Variants in GBA2 observed in about 807,000 individuals in gnomAD.
GBA2 encodes non-lysosomal glucosylceramidase.
Under a neutral mutation model 112.9 loss-of-function variants are expected in GBA2, and 79 were observed. The observed-to-expected ratio is 0.70, with a 90% CI of 0.58 to 0.84. The LOEUF (loss-of-function observed/expected upper bound fraction) is 0.84. Ranked by LOEUF, GBA2 falls within the 40% of genes least tolerant of loss-of-function variation. GBA2 has a pLI of 0.00. For missense variants in GBA2, 1,043 were observed against 1,190.0 expected (o/e 0.88, Z 1.82); for synonymous variants, 403 against 434.3 (o/e 0.93, Z 0.90).
chr9:35,740,484 C>T lies in GBA2; in HGVS notation c.1129+42G>A, dbSNP rs898587804. 17 of 1,566,260 alleles carry T rather than the reference C, an allele frequency of 1.1e-5. No homozygotes were observed. The highest frequency in any genetic ancestry group is 1.7e-5 in the Admixed American group (1 of 59,662). On this transcript the variant is annotated intron_variant, in intron 6 of 16. Coordinates refer to ENST00000378103, the MANE Select transcript of GBA2 (RefSeq NM_020944.3). The surrounding 1 kb of genome is among the most constrained non-coding windows in gnomAD (Gnocchi z 4.7). ...CCCACCCCTGGTCCCAAGACAGGGA[C>T]AACCTCTCTTCCCACCATCTCCCAG...
At position 35,737,217 on chromosome 9, in the gene GBA2, C is replaced by T; in HGVS notation, c.2736G>A (p.Gly912=). ...KVKQGTGLRT[G]PMFGPKEAMA... ...TGGCTTCCTTTGGTCCAAACATAGG[C>T]CCTGTCCTTAGTCCTGTGCCCTGTT... is the stretch of plus-strand genomic sequence containing the variant. Residue 912 remains glycine (G), a synonymous_variant, in exon 17 of 17, where the codon GGG becomes GGA. Transcript: ENST00000378103. This position sits in a 1 kb window ranked among gnomAD's most constrained non-coding sequence, Gnocchi z 4.1. 1 of 1,612,476 alleles carries T rather than the reference C, an allele frequency of 6.2e-7. No individual in the cohort carries two copies. Among genetic ancestry groups the T allele is most frequent in the Non-Finnish European group, 8.5e-7 (1 of 1,180,002 alleles).
In GBA2 at chr9:35,741,784, A is replaced by C. The variant is rs761949175; in HGVS notation, c.674T>G (p.Phe225Cys). ...GGGATAGAGGGCATGGTAGAAAGCAAAGTACCCACACAGGCCCCAGTTCCA... is the reference window on the plus strand; with the variant it reads ...GGGATAGAGGGCATGGTAGAAAGCACAGTACCCACACAGGCCCCAGTTCCA... ...RSWNWGLCGY[F>C]AFYHALYPRA... Residue 225 changes from phenylalanine to cysteine, a missense_variant, in exon 4 of 17, where the codon TTT becomes TGT. By Grantham distance (205) the Phe-to-Cys change is radical (BLOSUM62 -2). Transcript: ENST00000378103. The surrounding 1 kb of genome is among the most constrained non-coding windows in gnomAD (Gnocchi z 4.6). 1 of 1,613,860 alleles carries C rather than the reference A, an allele frequency of 6.2e-7. No homozygotes were observed. The highest frequency in any genetic ancestry group is 1.1e-5 in the South Asian group (1 of 91,072).
Position 35,738,818 on chromosome 9 carries a change from C to G in GBA2, c.1881G>C (p.Gln627His). The G allele has an allele frequency of 1.9e-6, 3 of 1,614,096 alleles. No homozygotes were observed. The highest frequency in any genetic ancestry group is 2.5e-6 in the Non-Finnish European group (3 of 1,179,954). Residue 627 changes from glutamine to histidine, a missense_variant, in exon 12 of 17, where the codon CAG becomes CAC. Transcript: ENST00000378103. ...WKDLNLKFVL[Q>H]VYRDYYLTGD... ...CCGTGAGGTAATAGTCCCGATAAAC[C>G]TGCAGCACAAACTTCAGGTTCAGGT...
Position 35,739,404 on chromosome 9 carries a change from A to G in GBA2, c.1598T>C (p.Met533Thr), listed in dbSNP as rs1317730630. 4 of 1,611,368 alleles carry G rather than the reference A, an allele frequency of 2.5e-6. No individual in the cohort carries two copies. The highest frequency in any genetic ancestry group is 2.5e-6 in the Non-Finnish European group (3 of 1,177,598). The change falls in exon 10 of 17, where the codon ATG becomes ACG. Residue 533 changes from methionine to threonine, a missense_variant. Met to Thr is a moderately conservative substitution (Grantham distance 81, BLOSUM62 -1). Coordinates refer to ENST00000378103, the MANE Select transcript of GBA2 (RefSeq NM_020944.3). ...AAAGTGGACATCATATGTGTTGTACATGCGGTACTCCTGGCCTGGAGGAAT... is the reference window on the plus strand; with the variant it reads ...AAAGTGGACATCATATGTGTTGTACGTGCGGTACTCCTGGCCTGGAGGAAT... ...FGYLEGQEYRMYNTYDVHFYA... is the reference protein window; with the variant it reads ...FGYLEGQEYRTYNTYDVHFYA...
In GBA2 at chr9:35,738,356, C is replaced by T; in HGVS notation, c.2073G>A (p.Leu691=). ...TTGPSAYCGG[L]WLAAVAVMVQ... is the part of the protein sequence containing the mutation. Reference sequence around the variant, plus strand: ...CCATCACAGCCACAGCTGCCAGCCACAGCCCTCCACAGTAAGCACTGATCA... The same window carrying T: ...CCATCACAGCCACAGCTGCCAGCCATAGCCCTCCACAGTAAGCACTGATCA... The change falls in exon 14 of 17, where the codon CTG becomes CTA. Residue 691 remains leucine, a synonymous_variant. Coordinates refer to ENST00000378103, the MANE Select transcript of GBA2 (RefSeq NM_020944.3). The T allele has an allele frequency of 6.2e-7, 1 of 1,614,184 alleles. No individual in the cohort carries two copies. Among genetic ancestry groups the T allele is most frequent in the Non-Finnish European group, 8.5e-7 (1 of 1,179,996 alleles).
chr9:35,740,510 T>C lies in GBA2; in HGVS notation c.1129+16A>G. On this transcript the variant is annotated intron_variant, in intron 6 of 16. Coordinates refer to ENST00000378103, the MANE Select transcript of GBA2 (RefSeq NM_020944.3). The surrounding 1 kb of genome is among the most constrained non-coding windows in gnomAD (Gnocchi z 4.7). The stretch of plus-strand genomic sequence containing the variant: ...AACCTCTCTTCCCACCATCTCCCAG[T>C]CAGACCCCCCATCACCAGTGGGAGA... The C allele has an allele frequency of 6.3e-7, 1 of 1,596,596 alleles. No individual in the cohort carries two copies. Among genetic ancestry groups the C allele is most frequent in the Non-Finnish European group, 8.6e-7 (1 of 1,164,330 alleles).
rs992025713 is a variant in GBA2, at chr9:35,746,570, GAC to G, written c.359+1774_359+1775del. ...TGCACCATTGTACTCCAGCCTGGGTGACAAGAGCAAGACTGTCTCAAAAAAAA... is the reference window on the plus strand; with the variant it reads ...TGCACCATTGTACTCCAGCCTGGGTGAAGAGCAAGACTGTCTCAAAAAAAA... On this transcript the variant is annotated intron_variant, in intron 1 of 16. Coordinates refer to ENST00000378103, the MANE Select transcript of GBA2 (RefSeq NM_020944.3). The surrounding 1 kb of genome is among the most constrained non-coding windows in gnomAD (Gnocchi z 5.2). 3.9e-5 allele frequency among the ~76,000 whole-genome samples: 6 copies of G among 152,050 alleles called. No individual in the cohort carries two copies. The highest frequency in any genetic ancestry group is 3.9e-4 in the Admixed American group (6 of 15,256).
chr9:35,738,394 T>C lies in GBA2; in HGVS notation c.2055-20A>G, dbSNP rs1826385148. 2 of 1,611,700 alleles carry C rather than the reference T, an allele frequency of 1.2e-6. No individual in the cohort carries two copies. Among genetic ancestry groups the C allele is most frequent in the East Asian group, 2.2e-5 (1 of 44,862 alleles). The stretch of plus-strand genomic sequence containing the variant: ...TAAGCACTGATCAGGGACATGGGTT[T>C]GGGGGTCAGACTGGCAGCTCCAGCT... On this transcript the variant is annotated intron_variant, in intron 13 of 16. Transcript: ENST00000378103.
chr9:35,749,212 C>T lies in GBA2; in HGVS notation c.-508G>A. 1 of 441,130 alleles carries T rather than the reference C, an allele frequency of 2.3e-6. No homozygotes were observed. Among genetic ancestry groups the T allele is most frequent in the Non-Finnish European group, 4.6e-6 (1 of 219,586 alleles). 27.3% of individuals were successfully genotyped at this position (441,130 alleles called of 1,614,324 possible). ...GGTGACCCTGGGCGCCGGGATGACC[C>T]GAGCCCTTTCCGGTCTGGCCTGCCG... On this transcript the variant is annotated 5_prime_UTR_variant, in exon 1 of 17. Transcript: ENST00000378103. The surrounding 1 kb of genome is among the most constrained non-coding windows in gnomAD (Gnocchi z 4.4).
intron 1 of GBA2, among the ~76,000 whole-genome samples, chr9:35,745,951 A>T (rs920094629): frequency 6.6e-6 from 1 of 152,274 alleles, no homozygotes; most frequent in African/African-American, 2.4e-5. Flanking sequence ...TGCTCTAGCT[A>T]TCTAATGAAA....
intron 1 of GBA2, among the ~76,000 whole-genome samples, chr9:35,745,423 CCTTT>C (rs1329025613): frequency 2.0e-4 from 30 of 152,004 alleles, no homozygotes; most frequent in Admixed American, 2.0e-3. Context: ...CCGCTTCTGG[CCTTT>C]CTTCTTTTTA....
chr9:35,737,082 C>T lies in GBA2; in HGVS notation c.*87G>A. ...AAGGGGTATGATTGTCCTGATGGCTCAGGGTTGCAGGAGGTTCAGAGGGGA... is the reference window on the plus strand; with the variant it reads ...AAGGGGTATGATTGTCCTGATGGCTTAGGGTTGCAGGAGGTTCAGAGGGGA... On this transcript the variant is annotated 3_prime_UTR_variant, in exon 17 of 17. Coordinates refer to ENST00000378103, the MANE Select transcript of GBA2 (RefSeq NM_020944.3). This position sits in a 1 kb window ranked among gnomAD's most constrained non-coding sequence, Gnocchi z 4.1. The T allele has an allele frequency of 1.3e-6, 2 of 1,531,372 alleles. No homozygotes were observed. The highest frequency in any genetic ancestry group is 1.7e-6 in the Non-Finnish European group (2 of 1,145,964). 94.9% of individuals were successfully genotyped at this position (1,531,372 alleles called of 1,614,324 possible).
chr9:35,744,464 T>C lies in GBA2; in HGVS notation c.452-52A>G, dbSNP rs1260381357. 2.6e-6 allele frequency: 3 copies of C among 1,151,674 alleles called. No homozygotes were observed. The East Asian group carries it at 7.1e-5, about 27-fold the overall frequency. The allele number at this position is 1,151,674 out of a possible 1,614,324, so 71.3% of individuals were successfully genotyped here. ...GTATTGGGAGAGGAAAATAAGCCCA[T>C]TTCTAACTTTCTAGACTATAAAGCC... On this transcript the variant is annotated intron_variant, in intron 2 of 16. Coordinates refer to ENST00000378103, the MANE Select transcript of GBA2 (RefSeq NM_020944.3).
chr9:35,739,342 G>A lies in GBA2; in HGVS notation c.1660C>T (p.Leu554Phe). The A allele has an allele frequency of 6.2e-7, 1 of 1,612,968 alleles. No homozygotes were observed. The highest frequency in any genetic ancestry group is 8.5e-7 in the Non-Finnish European group (1 of 1,178,952). Reference protein sequence around the residue: ...SFALIMLWPKLELSLQYDMAL... With the variant: ...SFALIMLWPKFELSLQYDMAL... ...ATGTCATACTGTAGGCTGAGCTCAA[G>A]TTTGGGCCAGAGCATGATGAGGGCA... is the stretch of plus-strand genomic sequence containing the variant. The change falls in exon 10 of 17, where the codon CTT becomes TTT. Residue 554 changes from leucine (L) to phenylalanine (F), a missense_variant. By Grantham distance (22) the Leu-to-Phe change is conservative. Transcript: ENST00000378103.
chr9:35,741,609 T>C lies in GBA2; in HGVS notation c.786+63A>G, dbSNP rs2131983210. The C allele has an allele frequency of 8.8e-7, 1 of 1,141,872 alleles. No individual in the cohort carries two copies. Among genetic ancestry groups the C allele is most frequent in the South Asian group, 1.2e-5 (1 of 81,426 alleles). 70.7% of individuals were successfully genotyped at this position (1,141,872 alleles called of 1,614,324 possible). Reference sequence around the variant, plus strand: ...TACCGCGCCTCGCAGGCCATGCAGTTTCTAGCAGAGGCAGGTCCTGGGGAA... The same window carrying C: ...TACCGCGCCTCGCAGGCCATGCAGTCTCTAGCAGAGGCAGGTCCTGGGGAA... On this transcript the variant is annotated intron_variant, in intron 4 of 16. Transcript: ENST00000378103. The surrounding 1 kb of genome is among the most constrained non-coding windows in gnomAD (Gnocchi z 4.6).
chr9:35,740,994 G>A lies in GBA2; in HGVS notation c.857C>T (p.Ser286Phe), dbSNP rs954541417. The A allele has an allele frequency of 1.2e-6, 2 of 1,613,924 alleles. No homozygotes were observed. The highest frequency in any genetic ancestry group is 2.7e-5 in the African/African-American group (2 of 74,910). Residue 286 changes from serine to phenylalanine, a missense_variant, in exon 5 of 17, where the codon TCC becomes TTC. By Grantham distance (155) the Ser-to-Phe change is radical. Transcript: ENST00000378103. This position sits in a 1 kb window ranked among gnomAD's most constrained non-coding sequence, Gnocchi z 4.7. ...ENEGDEALDV[S>F]IMFSMRNGLG... ...TCCATTCCGCATGGAGAACATGATG[G>A]ACACATCTAGAGCTTCGTCCCCTTC...
In GBA2 at chr9:35,743,029, A is replaced by C. The variant is rs561062267; in HGVS notation, c.568-1139T>G. ...AACAATGTATGAGGTATTATAAGTA[A>C]TCTACAGATGATTTAAAGTATATAG... is the stretch of plus-strand genomic sequence containing the variant. On this transcript the variant is annotated intron_variant, in intron 3 of 16. Coordinates refer to ENST00000378103, the MANE Select transcript of GBA2 (RefSeq NM_020944.3). Among the ~76,000 whole-genome samples the C allele has an allele frequency of 3.9e-5, 6 of 152,364 alleles. No individual in the cohort carries two copies. In the South Asian group the frequency reaches 1.2e-3, roughly 32 times the overall value.
At chr9:35,743,494 G>A (rs1196633127) in intron 3 of GBA2, among the ~76,000 whole-genome samples, 1 of 152,226 alleles carries the variant, frequency 6.6e-6, no homozygotes, top group African/African-American at 2.4e-5. Flanking sequence ...CCTAAGGGAT[G>A]AGGCAGAGAG....
Position 35,740,321 on chromosome 9 carries a change from C to T in GBA2, c.1171G>A (p.Ala391Thr). 1.9e-6 allele frequency: 3 copies of T among 1,613,872 alleles called. No homozygotes were observed. Among genetic ancestry groups the T allele is most frequent in the Non-Finnish European group, 2.5e-6 (3 of 1,179,924 alleles). Residue 391 changes from alanine to threonine, a missense_variant, in exon 7 of 17, where the codon GCT (alanine) becomes ACT (threonine). By Grantham distance (58) the Ala-to-Thr change is moderately conservative. Coordinates refer to ENST00000378103, the MANE Select transcript of GBA2 (RefSeq NM_020944.3). The surrounding 1 kb of genome is among the most constrained non-coding windows in gnomAD (Gnocchi z 4.7). ...PTQKGVGIAGAVCVSSKLRPR... is the reference protein window; with the variant it reads ...PTQKGVGIAGTVCVSSKLRPR... ...CGCAACTTGCTGGAAACACACACAG[C>T]TCCAGCAATGCCTACTCCTTTCTGC...
Sources: gnomAD v4.1 joint callset for allele counts (sites outside exome capture counted in the v4.1 genomes callset) on GRCh38, gnomAD v4.1.1 for gene constraint, Gnocchi (gnomAD v3.1) non-coding constraint, MANE v1.5 for transcripts, NCBI Gene and HGNC (gene_info 2026-07-23, HGNC 2026-07-21) for gene names.